The following ELOVL2 variants were observed in gnomAD, a reference collection of about 807,000 sequenced individuals.
The protein encoded by ELOVL2 is ELOVL fatty acid elongase 2.
ELOVL2 carries 38 observed loss-of-function variants against 37.7 expected under a neutral mutation model. That is an observed-to-expected ratio of 1.01 (90% CI 0.78 to 1.32). The LOEUF (loss-of-function observed/expected upper bound fraction) is 1.32. ELOVL2 is among the 40% of genes most tolerant of loss of function. The pLI is 0.00. For synonymous variants in ELOVL2, 115 were observed against 122.3 expected, an observed-to-expected ratio of 0.94 and a Z score of 0.40; for missense variants, 352 against 363.6, an observed-to-expected ratio of 0.97 and a Z score of 0.26.
intron 4 of ELOVL2, among the ~76,000 whole-genome samples, chr6:10,997,444 T>TA (rs1782289873): frequency 6.6e-6 from 1 of 152,222 alleles, no homozygotes; most frequent in Non-Finnish European, 1.5e-5. Context: ...AATGTCTTTT[T>TA]ATAATTAGTT....
At chr6:11,001,937 A>G (rs1166948301) in intron 3 of ELOVL2, among the ~76,000 whole-genome samples, 4 of 152,332 alleles carry the variant, frequency 2.6e-5, no homozygotes, top group Non-Finnish European at 5.9e-5. Context: ...CCTTAATCCA[A>G]GATGTTAACA....
At chr6:11,006,585 G>T (rs1420491758) in intron 2 of ELOVL2, among the ~76,000 whole-genome samples, 1 of 152,056 alleles carries the variant, frequency 6.6e-6, no homozygotes, top group Non-Finnish European at 1.5e-5. Context: ...GTCCCTTTCT[G>T]GTGCATCCTA....
intron 5 of ELOVL2, among the ~76,000 whole-genome samples, chr6:10,993,754 C>G (rs12181754): frequency 6.6e-6 from 1 of 151,788 alleles, no homozygotes; most frequent in African/African-American, 2.4e-5. Context: ...GTGGCGTGAT[C>G]TCAGCTCACT....
intron 1 of ELOVL2, among the ~76,000 whole-genome samples, chr6:11,024,984 G>A (rs781398132): frequency 6.6e-6 from 1 of 152,032 alleles, no homozygotes; most frequent in Non-Finnish European, 1.5e-5. Flanking sequence ...ATAGATTACC[G>A]CCCAACACAC....
intron 1 of ELOVL2, among the ~76,000 whole-genome samples, chr6:11,034,172 A>C (rs1782975737): frequency 6.6e-6 from 1 of 152,232 alleles, no homozygotes; most frequent in Non-Finnish European, 1.5e-5. Flanking sequence ...CTCCCTATCC[A>C]GTCTCTCCCA....
At chr6:11,033,223 C>T (rs1294566831) in intron 1 of ELOVL2, among the ~76,000 whole-genome samples, 2 of 152,080 alleles carry the variant, frequency 1.3e-5, no homozygotes, top group Non-Finnish European at 2.9e-5. Flanking sequence ...TGTATTAAGT[C>T]TAGGCAATTT....
intron 5 of ELOVL2, among the ~76,000 whole-genome samples, chr6:10,991,016 C>A (rs1294511679): frequency 2.6e-5 from 4 of 152,196 alleles, no homozygotes; most frequent in African/African-American, 9.7e-5. Context: ...CCAGCGAGAC[C>A]TTCCCAGTGA....
chr6:11,031,523 T>C (rs1040902305), intron 1 of ELOVL2, among the ~76,000 whole-genome samples: 1 of 152,204 alleles, frequency 6.6e-6, no homozygotes, highest in East Asian at 1.9e-4. Context: ...TTAAATAACC[T>C]TTACCCATGT....
rs1480434022 is a variant in ELOVL2 at position 11,044,213 on chromosome 6, C to A, written c.3+15G>T. 6.9e-7 allele frequency: 1 copy of A among 1,442,746 alleles called. No individual in the cohort carries two copies. Among genetic ancestry groups the A allele is most frequent in the Admixed American group, 2.6e-5 (1 of 38,860 alleles). The allele number at this position is 1,442,746 out of a possible 1,614,324, so 89.4% of individuals were successfully genotyped here. On this transcript the variant is annotated intron_variant, in intron 1 of 7. Transcript: ENST00000354666. The surrounding 1 kb of genome is among the most constrained non-coding windows in gnomAD (Gnocchi z 5.6). The stretch of plus-strand genomic sequence containing the variant: ...AAGCGCGGCGGTGTCGGTGGCGGCG[C>A]GCGGCCCCACTCACCATGATCCGCA...
intron 3 of ELOVL2, 86 bp downstream of exon 3, chr6:11,005,286 A>G: frequency 1.7e-6 from 2 of 1,208,006 alleles, no homozygotes; most frequent in Non-Finnish European, 2.3e-6. Context: ...GTAACCTTGC[A>G]TAGTTCTGCC....
At chr6:10,996,376 CTTACT>C (rs1174443684) in intron 4 of ELOVL2, among the ~76,000 whole-genome samples, 1 of 152,166 alleles carries the variant, frequency 6.6e-6, no homozygotes, top group African/African-American at 2.4e-5. Context: ...ATCACTATAT[CTTACT>C]TTATTTGTAT....
At chr6:11,004,953 GTTCAAGACCA>G (rs1782453566) in intron 3 of ELOVL2, among the ~76,000 whole-genome samples, 2 of 152,168 alleles carry the variant, frequency 1.3e-5, no homozygotes, top group Non-Finnish European at 2.9e-5. Flanking sequence ...GAGATCAGGA[GTTCAAGACCA>G]GCCTGGGCAA....
intron 1 of ELOVL2, among the ~76,000 whole-genome samples, chr6:11,030,083 T>C (rs533880312): frequency 6.6e-6 from 1 of 152,332 alleles, no homozygotes; most frequent in Non-Finnish European, 1.5e-5. Flanking sequence ...TTGTTGGTAT[T>C]TGGCTATTCT....
In ELOVL2 at chr6:10,994,998, ATAACT is replaced by A. The variant is rs1292311927; in HGVS notation, c.505+4_505+8del. ...TCCTCAAAACGGAAAAATTAACAAA[ATAACT>A]TACTTTGTCCACAAGGTATCCAGTT... is the stretch of plus-strand genomic sequence containing the variant. On this transcript the variant is annotated splice_donor_5th_base_variant and intron_variant, in intron 5 of 7. Transcript: ENST00000354666. 3.8e-6 allele frequency: 6 copies of A among 1,577,012 alleles called. No individual in the cohort carries two copies. Among genetic ancestry groups the A allele is most frequent in the South Asian group, 1.2e-5 (1 of 84,652 alleles).
intron 5 of ELOVL2, among the ~76,000 whole-genome samples, chr6:10,992,786 CAAAAAAAACAAAACA>C (rs1782187090): frequency 2.2e-5 from 2 of 90,672 alleles, no homozygotes; most frequent in Non-Finnish European, 4.2e-5. Flanking sequence ...GACTCCATCT[CAAAAAAAACAAAACA>C]AAAAAAAACA....
At chr6:11,042,076 C>T (rs140932387) in intron 1 of ELOVL2, among the ~76,000 whole-genome samples, 4 of 152,052 alleles carry the variant, frequency 2.6e-5, no homozygotes, top group East Asian at 1.9e-4. Flanking sequence ...TTTGGGAAGC[C>T]GAGGTGGGTG....
chr6:10,997,790 T>C (rs1385706489), intron 4 of ELOVL2, among the ~76,000 whole-genome samples: 2 of 152,218 alleles, frequency 1.3e-5, no homozygotes, highest in Admixed American at 6.5e-5. Flanking sequence ...GCTGTTCCAC[T>C]GATACTCAAA....
At chr6:11,038,541 T>C (rs1783051019) in intron 1 of ELOVL2, among the ~76,000 whole-genome samples, 1 of 152,098 alleles carries the variant, frequency 6.6e-6, no homozygotes, top group Non-Finnish European at 1.5e-5. Context: ...CCATATATCA[T>C]AGCTTTGTTT....
intron 1 of ELOVL2, 32 bp from the exon 2 acceptor site, chr6:11,010,841 T>G (rs9380025): frequency 0.48 from 751,228 of 1,550,526 alleles, 192,151 homozygotes; most frequent in East Asian, 0.91. Context: ...GATTTAAGTG[T>G]TTTTTTCTTC....
Sources: allele counts gnomAD v4.1 joint callset (sites outside exome capture counted in the v4.1 genomes callset), GRCh38; gene constraint gnomAD v4.1.1; non-coding constraint Gnocchi (gnomAD v3.1); transcripts MANE v1.5; gene names NCBI Gene and HGNC (gene_info 2026-07-23, HGNC 2026-07-21).